ZCCHC17: variants seen among roughly 807,000 people sequenced by gnomAD.
ZCCHC17 encodes zinc finger CCHC-type containing 17.
ZCCHC17 carries 18 observed loss-of-function variants against 30.6 expected under a neutral mutation model. The ratio of observed to expected loss-of-function variants is 0.59; its 90% CI spans 0.41 to 0.87. The LOEUF (loss-of-function observed/expected upper bound fraction) is 0.87, where lower values mean the gene tolerates loss of function less well. Among genes scored for constraint, ZCCHC17 ranks in the 40% least tolerant of loss-of-function variants. ZCCHC17 has a pLI of 0.00. For missense variants in ZCCHC17, 263 were observed against 284.2 expected (o/e 0.93, Z 0.54); for synonymous variants, 88 against 92.4 (o/e 0.95, Z 0.27).
At chr1:31,313,896 A>C (rs6664683) in intron 2 of ZCCHC17, among the ~76,000 whole-genome samples, 2 of 150,254 alleles carry the variant, frequency 1.3e-5, no homozygotes, top group African/African-American at 2.5e-5. Flanking sequence ...ACAGAGTCTC[A>C]CTCTGTCACT....
At chr1:31,297,756 GC>G (rs1326922315) in intron 1 of ZCCHC17, among the ~76,000 whole-genome samples, 2 of 152,238 alleles carry the variant, frequency 1.3e-5, no homozygotes, top group African/African-American at 4.8e-5. Context: ...AAAGATGCCT[GC>G]GCTGGTAGCT....
intron 6 of ZCCHC17, among the ~76,000 whole-genome samples, chr1:31,347,763 C>A (rs1639326738): frequency 6.6e-6 from 1 of 152,138 alleles, no homozygotes. Context: ...GTGTGTACCA[C>A]CATGTCCAGC....
intron 5 of ZCCHC17, among the ~76,000 whole-genome samples, chr1:31,346,368 C>T (rs1175141411): frequency 1.3e-5 from 2 of 152,118 alleles, no homozygotes; most frequent in South Asian, 4.1e-4. Flanking sequence ...CTATGAGTGA[C>T]CTGGTAAGGG....
At chr1:31,335,768 TTAGTAA>T (rs1380990960) in intron 3 of ZCCHC17, among the ~76,000 whole-genome samples, 1 of 152,236 alleles carries the variant, frequency 6.6e-6, no homozygotes, top group Non-Finnish European at 1.5e-5. Context: ...TATTCTAGCC[TTAGTAA>T]TAGTTCTTAT....
chr1:31,311,693 C>T (rs1404662682), intron 2 of ZCCHC17, among the ~76,000 whole-genome samples: 1 of 152,178 alleles, frequency 6.6e-6, no homozygotes, highest in Non-Finnish European at 1.5e-5. Context: ...CCCTTTCGAG[C>T]CCTTTTATGA....
chr1:31,358,329 G>A (rs936110910), intron 7 of ZCCHC17, among the ~76,000 whole-genome samples: 4 of 152,222 alleles, frequency 2.6e-5, no homozygotes, highest in African/African-American at 7.2e-5. Flanking sequence ...ACTTGAGTGA[G>A]ATGGATGTTA....
chr1:31,316,957 A>G (rs1646747926), intron 2 of ZCCHC17, among the ~76,000 whole-genome samples: 2 of 151,270 alleles, frequency 1.3e-5, no homozygotes, highest in South Asian at 4.2e-4. Context: ...TAATGATGAT[A>G]TTTGGTTAAG....
At chr1:31,318,265 A>G in intron 2 of ZCCHC17, 2 of 1,504,886 alleles carry the variant, frequency 1.3e-6, no homozygotes, top group Non-Finnish European at 8.9e-7. Flanking sequence ...AATATTTTAC[A>G]AATAATCATT....
intron 5 of ZCCHC17, among the ~76,000 whole-genome samples, chr1:31,345,317 C>T (rs975239724): frequency 1.4e-4 from 21 of 150,964 alleles, no homozygotes; most frequent in African/African-American, 3.7e-4. Context: ...CCACCTCGCC[C>T]GGCTAATTTT....
At chr1:31,312,413 C>T (rs1215271984) in intron 2 of ZCCHC17, among the ~76,000 whole-genome samples, 3 of 152,006 alleles carry the variant, frequency 2.0e-5, no homozygotes, top group African/African-American at 4.8e-5. Flanking sequence ...TTTTGATGAC[C>T]GAATGAATTA....
intron 5 of ZCCHC17, among the ~76,000 whole-genome samples, chr1:31,342,302 C>G (rs1353687836): frequency 1.3e-5 from 2 of 152,210 alleles, no homozygotes; most frequent in African/African-American, 2.4e-5. Flanking sequence ...CCTCAGCCTC[C>G]CAAAGTGCTG....
Position 31,364,551 on chromosome 1 carries a change from G to A in ZCCHC17, c.*358G>A, listed in dbSNP as rs539840239. 1.0e-4 allele frequency: 25 copies of A among 249,786 alleles called. No homozygotes were observed. The highest frequency in any genetic ancestry group is 8.3e-4 in the Admixed American group (17 of 20,534). 15.5% of individuals were successfully genotyped at this position (249,786 alleles called of 1,614,324 possible). On this transcript the variant is annotated 3_prime_UTR_variant, in exon 8 of 8. Coordinates refer to ENST00000344147, the MANE Select transcript of ZCCHC17 (RefSeq NM_016505.4). ...CCAGGCTAGAGCCACAGAGACTGTT[G>A]TGGAGGTGAGTTCGGCTGTAGTTAG...
intron 1 of ZCCHC17, among the ~76,000 whole-genome samples, chr1:31,298,977 A>T (rs1015985736): frequency 1.3e-5 from 2 of 152,240 alleles, no homozygotes; most frequent in African/African-American, 4.8e-5. Flanking sequence ...GATTTGTGAT[A>T]GAAATTTCTA....
intron 3 of ZCCHC17, among the ~76,000 whole-genome samples, chr1:31,331,977 A>G (rs1476064309): frequency 6.6e-6 from 1 of 152,326 alleles, no homozygotes; most frequent in Admixed American, 6.5e-5. Flanking sequence ...GTATCTCAAA[A>G]TAGTTGTCTC....
chr1:31,324,047 C>T (rs147440422), intron 3 of ZCCHC17, among the ~76,000 whole-genome samples: 45 of 152,310 alleles, frequency 3.0e-4, no homozygotes, highest in African/African-American at 1.1e-3. Context: ...CATACAATTC[C>T]ATCACACTGC....
chr1:31,324,369 G>A (rs752674962), intron 3 of ZCCHC17, among the ~76,000 whole-genome samples: 5 of 152,164 alleles, frequency 3.3e-5, no homozygotes, highest in African/African-American at 7.2e-5. Flanking sequence ...GGGGCTGTGC[G>A]GCCAGGGCTG....
chr1:31,335,702 T>C (rs1638787805), intron 3 of ZCCHC17, among the ~76,000 whole-genome samples: 1 of 152,230 alleles, frequency 6.6e-6, no homozygotes, highest in South Asian at 2.1e-4. Flanking sequence ...AAATGTGTAA[T>C]AGTTTATTAG....
At chr1:31,349,664 T>C (rs1487130415) in intron 7 of ZCCHC17, among the ~76,000 whole-genome samples, 3 of 152,192 alleles carry the variant, frequency 2.0e-5, no homozygotes, top group Non-Finnish European at 2.9e-5. Flanking sequence ...AATACAGATA[T>C]ATATAGCTAC....
intron 7 of ZCCHC17, among the ~76,000 whole-genome samples, chr1:31,360,182 G>A (rs2148484315): frequency 7.1e-6 from 1 of 140,962 alleles, no homozygotes; most frequent in South Asian, 2.3e-4. Context: ...GTTTTGTTTT[G>A]TTTTGAGACA....
Sources: allele counts gnomAD v4.1 joint callset (sites outside exome capture counted in the v4.1 genomes callset), GRCh38; gene constraint gnomAD v4.1.1; transcripts MANE v1.5; gene names NCBI Gene and HGNC (gene_info 2026-07-23, HGNC 2026-07-21).